RAPGEF4: variants seen among roughly 807,000 people sequenced by gnomAD.
RAPGEF4 encodes RAP guanine-nucleotide-exchange factor (GEF) 4.
Under a neutral mutation model 147.9 loss-of-function variants are expected in RAPGEF4, and 66 were observed. That is an observed-to-expected ratio of 0.45 (90% CI 0.37 to 0.55). RAPGEF4 has a LOEUF of 0.55. Among genes scored for constraint, RAPGEF4 ranks in the 20% least tolerant of loss-of-function variants. The pLI is 0.00. For missense variants in RAPGEF4, 1,071 were observed against 1,257.3 expected, an observed-to-expected ratio of 0.85 and a Z score of 2.24; for synonymous variants, 419 against 442.7, an observed-to-expected ratio of 0.95 and a Z score of 0.67.
intron 27 of RAPGEF4, 50 bp downstream of exon 27, chr2:173,034,014 T>C (rs370952059): frequency 8.5e-6 from 13 of 1,526,148 alleles, no homozygotes; most frequent in Middle Eastern, 1.8e-4. Flanking sequence ...ATTAATCCAA[T>C]TTCTGATTAG....
chr2:172,839,887 A>G (rs1691392527), intron 4 of RAPGEF4, among the ~76,000 whole-genome samples: 1 of 152,218 alleles, frequency 6.6e-6, no homozygotes, highest in Non-Finnish European at 1.5e-5. Context: ...GTACTAATTC[A>G]AGAGGTAAGT....
chr2:172,991,784 A>G (rs1270448860), intron 15 of RAPGEF4, among the ~76,000 whole-genome samples: 1 of 152,236 alleles, frequency 6.6e-6, no homozygotes, highest in Admixed American at 6.5e-5. Context: ...TTCCTTTATC[A>G]AGGCATTCAC....
At chr2:172,764,245 C>A (rs1163316264) in intron 1 of RAPGEF4, among the ~76,000 whole-genome samples, 14 of 86,552 alleles carry the variant, frequency 1.6e-4, no homozygotes, top group Admixed American at 3.1e-4. Context: ...AAAACGAGAC[C>A]CTGTCTCAAA....
chr2:172,901,845 C>T (rs1269637956), intron 4 of RAPGEF4, among the ~76,000 whole-genome samples: 4 of 152,140 alleles, frequency 2.6e-5, no homozygotes, highest in Non-Finnish European at 5.9e-5. Flanking sequence ...AAAATAGATG[C>T]CGTCCTGCCC....
chr2:172,801,418 G>T (rs141925639), intron 3 of RAPGEF4, among the ~76,000 whole-genome samples: 1 of 152,174 alleles, frequency 6.6e-6, no homozygotes, highest in Non-Finnish European at 1.5e-5. Flanking sequence ...GAGCCAGAGG[G>T]ATGTAGTGAC....
chr2:172,753,875 T>TATACAC (rs1695522858), intron 1 of RAPGEF4, among the ~76,000 whole-genome samples: 1 of 146,474 alleles, frequency 6.8e-6, no homozygotes, highest in African/African-American at 2.5e-5. Context: ...ACAGTGTATG[T>TATACAC]ACACACACAC....
chr2:172,740,524 G>A (rs913743672), intron 1 of RAPGEF4, among the ~76,000 whole-genome samples: 3 of 152,154 alleles, frequency 2.0e-5, no homozygotes, highest in Non-Finnish European at 2.9e-5. Context: ...TTTTGATTAG[G>A]TTGAATTCGA....
chr2:172,917,880 T>C lies in RAPGEF4; in HGVS notation c.517+6T>C, dbSNP rs1229000462. Reference sequence around the variant, plus strand: ...AACGGGCTCTAACAATGACAGTAAGTGGAAAATGTGAACATTTTGTATCTA... The same window carrying C: ...AACGGGCTCTAACAATGACAGTAAGCGGAAAATGTGAACATTTTGTATCTA... On this transcript the variant is annotated splice_donor_region_variant and intron_variant, in intron 5 of 30. Transcript: ENST00000397081. 2 of 1,610,590 alleles carry C rather than the reference T, an allele frequency of 1.2e-6. No homozygotes were observed. Among genetic ancestry groups the C allele is most frequent in the South Asian group, 1.1e-5 (1 of 91,028 alleles).
At chr2:173,035,947 G>A (rs546443359) in intron 27 of RAPGEF4, among the ~76,000 whole-genome samples, 178 bp from the exon 28 acceptor site, 7 of 152,280 alleles carry the variant, frequency 4.6e-5, no homozygotes, top group Non-Finnish European at 1.0e-4. Context: ...GTCTTACAGT[G>A]TCAGGGATGG....
chr2:173,022,391 A>G (rs940097977), intron 23 of RAPGEF4, among the ~76,000 whole-genome samples: 1 of 152,136 alleles, frequency 6.6e-6, no homozygotes, highest in East Asian at 1.9e-4. Flanking sequence ...CTGGGCATGA[A>G]CTTCTTCCCT....
intron 1 of RAPGEF4, among the ~76,000 whole-genome samples, chr2:172,766,984 A>C (rs1696907524): frequency 6.6e-6 from 1 of 152,194 alleles, no homozygotes; most frequent in Admixed American, 6.5e-5. Context: ...TCTCACTTCT[A>C]GTCAAGTTGG....
At chr2:172,738,894 A>G (rs1694052480) in intron 1 of RAPGEF4, among the ~76,000 whole-genome samples, 3 of 152,232 alleles carry the variant, frequency 2.0e-5, no homozygotes, top group South Asian at 2.1e-4. Context: ...GAAGTATACA[A>G]TGAAATTTGA....
chr2:172,888,282 A>G (rs1310480086), intron 4 of RAPGEF4, among the ~76,000 whole-genome samples: 2 of 152,178 alleles, frequency 1.3e-5, no homozygotes, highest in African/African-American at 4.8e-5. Flanking sequence ...CCAGATGGGG[A>G]AAAAATCCGA....
Position 172,891,136 on chromosome 2 carries a change from A to G in RAPGEF4, c.445-26666A>G, listed in dbSNP as rs371195898. Reference sequence around the variant, plus strand: ...AGAGAGTGAGACTTTGTCTTTAAGGAAAAAAAAAAGGAATTTCAAGATGGT... The same window carrying G: ...AGAGAGTGAGACTTTGTCTTTAAGGGAAAAAAAAAGGAATTTCAAGATGGT... On this transcript the variant is annotated intron_variant, in intron 4 of 30. Coordinates refer to ENST00000397081, the MANE Select transcript of RAPGEF4 (RefSeq NM_007023.4). Among the ~76,000 whole-genome samples the G allele has an allele frequency of 2.5e-3, 366 of 148,682 alleles. 2 individuals carry two copies. Among genetic ancestry groups the G allele is most frequent in the African/African-American group, 8.1e-3 (325 of 40,316 alleles).
Position 172,886,208 on chromosome 2 carries a change from T to C in RAPGEF4, c.445-31594T>C, listed in dbSNP as rs1697194003. Among the ~76,000 whole-genome samples, 2 of 152,236 alleles carry C rather than the reference T, an allele frequency of 1.3e-5. 1 individual carries two copies. Among genetic ancestry groups the C allele is most frequent in the South Asian group, 4.1e-4 (2 of 4,830 alleles). On this transcript the variant is annotated intron_variant, in intron 4 of 30. Transcript: ENST00000397081. ...CTCATTTGCCATTGCATGTTTAACA[T>C]CTCTTTCTCTAGACCAGGGATCTGC...
intron 4 of RAPGEF4, among the ~76,000 whole-genome samples, chr2:172,866,951 CTTTTTTT>C (rs368474331): frequency 4.3e-5 from 6 of 139,758 alleles, no homozygotes; most frequent in Non-Finnish European, 1.6e-5. Flanking sequence ...CAAAACTGCT[CTTTTTTT>C]TTTTTTTTTC....
intron 23 of RAPGEF4, among the ~76,000 whole-genome samples, chr2:173,025,094 C>T (rs545425231): frequency 1.3e-5 from 2 of 152,394 alleles, no homozygotes; most frequent in South Asian, 2.1e-4. Flanking sequence ...TCATGTTCCC[C>T]TCCTGTTTAT....
chr2:172,797,721 C>T (rs1159280810), intron 3 of RAPGEF4, 108 bp downstream of exon 3: 1 of 845,794 alleles, frequency 1.2e-6, no homozygotes, highest in Non-Finnish European at 1.8e-6. Context: ...TTTCCTCTTT[C>T]CCACAATAAG....
In RAPGEF4 at chr2:172,977,294, CT is replaced by C. The variant is rs370860746; in HGVS notation, c.1005-6201del. On this transcript the variant is annotated intron_variant, in intron 10 of 30. Coordinates refer to ENST00000397081, the MANE Select transcript of RAPGEF4 (RefSeq NM_007023.4). ...GGATCTCTTCTCCATTTTTTTTCCC[CT>C]GTCACCCCCGTAAAGACCAAAGCAG... 1.3e-3 allele frequency among the ~76,000 whole-genome samples: 199 copies of C among 152,206 alleles called. 4 individuals are homozygous for C. In the South Asian group the frequency reaches 0.015, roughly 12 times the overall value.
Sources: allele counts gnomAD v4.1 joint callset (sites outside exome capture counted in the v4.1 genomes callset), GRCh38; gene constraint gnomAD v4.1.1; transcripts MANE v1.5; gene names NCBI Gene and HGNC (gene_info 2026-07-23, HGNC 2026-07-21).